PYROXD2: variants seen among roughly 807,000 people sequenced by gnomAD.
PYROXD2 encodes pyridine nucleotide-disulphide oxidoreductase domain 2.
Under a neutral mutation model 71.1 loss-of-function variants are expected in PYROXD2, and 69 were observed. That is an observed-to-expected ratio of 0.97 (90% confidence interval 0.80 to 1.19). The LOEUF (loss-of-function observed/expected upper bound fraction) is 1.19, where lower values mean the gene tolerates loss of function less well. Among genes scored for constraint, PYROXD2 ranks in the 50% most tolerant of loss-of-function variants. PYROXD2 has a pLI of 0.00. For synonymous variants in PYROXD2, 287 were observed against 302.7 expected (o/e 0.95, Z 0.54); for missense variants, 745 against 748.9 (o/e 0.99, Z 0.06).
At chr10:98,400,668 A>G (rs977539975) in intron 4 of PYROXD2, among the ~76,000 whole-genome samples, 2 of 152,184 alleles carry the variant, frequency 1.3e-5, no homozygotes, top group African/African-American at 4.8e-5. Context: ...ACCACATCAC[A>G]GCATGACACA....
rs757487238 is a variant in PYROXD2 at position 98,395,297 on chromosome 10, G to C, written c.688-4C>G. 3.1e-6 allele frequency: 5 copies of C among 1,614,180 alleles called. No homozygotes were observed. Among genetic ancestry groups the C allele is most frequent in the South Asian group, 2.2e-5 (2 of 91,078 alleles). On this transcript the variant is annotated splice_region_variant and splice_polypyrimidine_tract_variant and intron_variant, in intron 7 of 15. Transcript: ENST00000370575. ...ACTCGAACCACTGATCCAGCACCTGGACAGCACAACAGCAGAGAGAAGGGC... is the reference window on the plus strand; with the variant it reads ...ACTCGAACCACTGATCCAGCACCTGCACAGCACAACAGCAGAGAGAAGGGC...
At chr10:98,395,015 A>T (rs1004929612) in intron 8 of PYROXD2, among the ~76,000 whole-genome samples, 181 bp downstream of exon 8, 1 of 152,076 alleles carries the variant, frequency 6.6e-6, no homozygotes, top group Non-Finnish European at 1.5e-5. Context: ...TCTGAACCGC[A>T]GTTCTCAGAT....
chr10:98,403,725 C>A (rs1843500719), intron 4 of PYROXD2, among the ~76,000 whole-genome samples: 1 of 152,200 alleles, frequency 6.6e-6, no homozygotes, highest in Non-Finnish European at 1.5e-5. Flanking sequence ...TGGTCACCAT[C>A]TAGGCTGGAA....
At chr10:98,387,410 A>T in intron 13 of PYROXD2, 103 bp from the exon 14 acceptor site, 1 of 734,804 alleles carries the variant, frequency 1.4e-6, no homozygotes, top group Non-Finnish European at 2.3e-6. Flanking sequence ...AATTACACAC[A>T]GAAATGGGCT....
chr10:98,410,724 G>C, intron 2 of PYROXD2: 1 of 632,714 alleles, frequency 1.6e-6, no homozygotes, highest in East Asian at 3.0e-5. Context: ...ATTAGGGGAA[G>C]GGGAGGAAAG....
chr10:98,391,309 G>A (rs553712523), intron 10 of PYROXD2, among the ~76,000 whole-genome samples: 57 of 152,236 alleles, frequency 3.7e-4, no homozygotes, highest in African/African-American at 1.3e-3. Flanking sequence ...CTGTGAAATA[G>A]TCCGCACCTC....
At chr10:98,412,784 GCAC>G (rs1843832674) in intron 1 of PYROXD2, among the ~76,000 whole-genome samples, 1 of 152,064 alleles carries the variant, frequency 6.6e-6, no homozygotes, top group Non-Finnish European at 1.5e-5. Flanking sequence ...AGACTCACTC[GCAC>G]TTGTAGGCAA....
At chr10:98,414,435 C>T (rs1843906342) in intron 1 of PYROXD2, 1 of 152,214 alleles carries the variant, frequency 6.6e-6, no homozygotes, top group Non-Finnish European at 1.5e-5. Flanking sequence ...CCCAAATGTC[C>T]CAGAGCTGCA....
intron 5 of PYROXD2, among the ~76,000 whole-genome samples, chr10:98,398,137 C>T (rs1436058913): frequency 6.6e-6 from 1 of 152,160 alleles, no homozygotes; most frequent in Non-Finnish European, 1.5e-5. Flanking sequence ...CCTGCCTCGG[C>T]CTCTCAAAGT....
intron 14 of PYROXD2, among the ~76,000 whole-genome samples, chr10:98,385,998 C>T (rs560887925): frequency 7.9e-5 from 12 of 152,092 alleles, no homozygotes; most frequent in African/African-American, 2.4e-4. Context: ...AAAGCAGAGC[C>T]GGTTGTGGTG....
At chr10:98,409,399 T>A (rs1843713664) in intron 2 of PYROXD2, among the ~76,000 whole-genome samples, 1 of 152,222 alleles carries the variant, frequency 6.6e-6, no homozygotes, top group Non-Finnish European at 1.5e-5. Context: ...TCGTAGGCCT[T>A]CCCTCAAATC....
chr10:98,393,470 C>G (rs750528935), intron 8 of PYROXD2, among the ~76,000 whole-genome samples: 5 of 152,166 alleles, frequency 3.3e-5, no homozygotes, highest in Non-Finnish European at 5.9e-5. Flanking sequence ...TTTCCCATCC[C>G]AGTGAACGGC....
At chr10:98,395,030 C>T (rs1302754358) in intron 8 of PYROXD2, among the ~76,000 whole-genome samples, 166 bp downstream of exon 8, 1 of 152,072 alleles carries the variant, frequency 6.6e-6, no homozygotes, top group Non-Finnish European at 1.5e-5. Flanking sequence ...TCAGATGTTG[C>T]TCTGAGGGTT....
intron 4 of PYROXD2, among the ~76,000 whole-genome samples, chr10:98,404,701 A>C (rs1304819293): frequency 6.6e-6 from 1 of 151,970 alleles, no homozygotes; most frequent in Admixed American, 6.6e-5. Context: ...GTGTGTGTCT[A>C]AAGGACCAGA....
intron 15 of PYROXD2, 152 bp from the exon 16 acceptor site, chr10:98,384,020 G>A (rs1005135062): frequency 1.3e-5 from 9 of 681,374 alleles, no homozygotes; most frequent in East Asian, 2.6e-5. Context: ...TAAGACAGCC[G>A]CTCAATAGAT....
At chr10:98,385,176 G>C in intron 14 of PYROXD2, 109 bp from the exon 15 acceptor site, 1 of 1,429,406 alleles carries the variant, frequency 7.0e-7, no homozygotes, top group South Asian at 1.3e-5. Flanking sequence ...TCTCCTTCCA[G>C]GATATTTTCT....
At chr10:98,384,890 T>C in intron 15 of PYROXD2, 57 bp downstream of exon 15, 2 of 1,526,418 alleles carry the variant, frequency 1.3e-6, no homozygotes, top group African/African-American at 2.8e-5. Context: ...TCCAAGTCTC[T>C]GGCCTCCAGT....
chr10:98,390,218 T>C (rs1011227040), intron 12 of PYROXD2, among the ~76,000 whole-genome samples: 2 of 152,132 alleles, frequency 1.3e-5, no homozygotes, highest in African/African-American at 4.8e-5. Context: ...GAAGGCAGAT[T>C]ATCAGAAAAA....
rs974569903 is a variant in PYROXD2 at position 98,407,774 on chromosome 10, G to A, written c.242-119C>T. The A allele has an allele frequency of 2.5e-5, 27 of 1,085,074 alleles. 4 individuals are homozygous for A. The highest frequency in any genetic ancestry group is 8.2e-5 in the African/African-American group (3 of 36,512). The allele number at this position is 1,085,074 out of a possible 1,614,324, so 67.2% of individuals were successfully genotyped here. A position where few individuals can be genotyped will look rare whatever the true frequency, so the allele number is the denominator to read the frequency against. ...TCAGCAGGGATGGAGACCGTCACCC[G>A]GGGTCAGCAGGGATGGAGACCGTCA... is the stretch of plus-strand genomic sequence containing the variant. On this transcript the variant is annotated intron_variant, in intron 3 of 15. Transcript: ENST00000370575.
Sources: allele counts gnomAD v4.1 joint callset (sites outside exome capture counted in the v4.1 genomes callset), GRCh38; gene constraint gnomAD v4.1.1; transcripts MANE v1.5; gene names NCBI Gene and HGNC (gene_info 2026-07-23, HGNC 2026-07-21).